The following ZFHX3 variants were observed in gnomAD, a reference collection of about 807,000 sequenced individuals.
ZFHX3 encodes zinc finger homeobox 3.
ZFHX3 carries 42 observed loss-of-function variants against 279.1 expected under a neutral mutation model. That is an observed-to-expected ratio of 0.15 (90% CI 0.12 to 0.19). The LOEUF (loss-of-function observed/expected upper bound fraction) is 0.19, where lower values mean the gene tolerates loss of function less well. Among genes scored for constraint, ZFHX3 ranks in the 10% least tolerant of loss-of-function variants. ZFHX3 has a pLI of 1.00. For synonymous variants in ZFHX3, 2,293 were observed against 1,957.8 expected (o/e 1.17, Z -4.52); for missense variants, 4,981 against 4,754.0 (o/e 1.05, Z -1.40).
At chr16:72,857,241 T>C (rs142119589) in intron 4 of ZFHX3, among the ~76,000 whole-genome samples, 8 of 152,322 alleles carry the variant, frequency 5.3e-5, no homozygotes, top group African/African-American at 1.4e-4. Context: ...ACAGAGCTAA[T>C]TGGTTGGCAA....
intron 5 of ZFHX3, among the ~76,000 whole-genome samples, chr16:72,816,772 C>A (rs181680138): frequency 6.6e-6 from 1 of 152,318 alleles, no homozygotes; most frequent in East Asian, 1.9e-4. Flanking sequence ...ATTTTATCCT[C>A]TTAGGCTCCT....
intron 2 of ZFHX3, among the ~76,000 whole-genome samples, chr16:73,491,387 A>G (rs931545323): frequency 5.3e-5 from 8 of 152,248 alleles, no homozygotes; most frequent in African/African-American, 1.9e-4. Flanking sequence ...TGCTGCAGAA[A>G]TATCACAGAG....
intron 1 of ZFHX3, among the ~76,000 whole-genome samples, chr16:73,001,583 TGAGAG>T (rs1258837556): frequency 2.6e-5 from 4 of 151,934 alleles, no homozygotes; most frequent in African/African-American, 4.8e-5. Context: ...GAGGCTGAAG[TGAGAG>T]GATCACTTCA....
At chr16:73,092,847 CGGAGTTTAATAG>C (rs760747877) in intron 8 of ZFHX3, 2 of 496,290 alleles carry the variant, frequency 4.0e-6, no homozygotes, top group Admixed American at 4.2e-5. Context: ...CATGCAGACC[CGGAGTTTAATAG>C]GGACAACAGT....
intron 2 of ZFHX3, among the ~76,000 whole-genome samples, chr16:73,668,007 G>A (rs1165070944): frequency 6.6e-6 from 1 of 152,150 alleles, no homozygotes; most frequent in Admixed American, 6.5e-5. Context: ...CATATGCAAT[G>A]GCTTGTGTTC....
At chr16:73,040,952 G>A (rs1965088951) in intron 1 of ZFHX3, among the ~76,000 whole-genome samples, 1 of 152,212 alleles carries the variant, frequency 6.6e-6, no homozygotes, top group Admixed American at 6.5e-5. Context: ...CCTCACCAGA[G>A]GGTGTAACAC....
chr16:73,413,148 G>T (rs1008266268), intron 3 of ZFHX3, among the ~76,000 whole-genome samples: 6 of 152,202 alleles, frequency 3.9e-5, no homozygotes, highest in African/African-American at 1.4e-4. Flanking sequence ...AAAATAGCAG[G>T]ACTAGAGACA....
chr16:73,793,255 A>G (rs1959888127), intron 1 of ZFHX3, among the ~76,000 whole-genome samples: 1 of 152,230 alleles, frequency 6.6e-6, no homozygotes, highest in African/African-American at 2.4e-5. Flanking sequence ...GCTTTCAACC[A>G]AGCTGAATTT....
At chr16:73,373,597 A>T (rs949881898) in intron 3 of ZFHX3, among the ~76,000 whole-genome samples, 7 of 152,236 alleles carry the variant, frequency 4.6e-5, no homozygotes, top group African/African-American at 1.7e-4. Flanking sequence ...TGCCAAAGAA[A>T]AATGAAAGCA....
intron 4 of ZFHX3, among the ~76,000 whole-genome samples, chr16:73,291,353 T>TG (rs2014764943): frequency 6.6e-6 from 1 of 152,092 alleles, no homozygotes; most frequent in Non-Finnish European, 1.5e-5. Context: ...GAGCTGCCAG[T>TG]GAAAAAAAGC....
intron 5 of ZFHX3, among the ~76,000 whole-genome samples, chr16:73,196,448 T>C (rs1039664272): frequency 7.2e-5 from 11 of 152,236 alleles, no homozygotes; most frequent in African/African-American, 2.2e-4. Flanking sequence ...TTGTAGATCA[T>C]AGACAACTGC....
In ZFHX3 at chr16:73,242,426, T is replaced by A. The variant is rs530320148; in HGVS notation, c.-1104+14621A>T. Among the ~76,000 whole-genome samples the A allele has an allele frequency of 2.0e-4, 30 of 152,330 alleles. 1 individual carries two copies. Among genetic ancestry groups the A allele is most frequent in the Admixed American group, 5.2e-4 (8 of 15,306 alleles). ...TGTCTTCTTTGGCAGAAAGACTTGG[T>A]GCTACATCAGCCAAGTTAGAATTTT... On this transcript the variant is annotated intron_variant, in intron 5 of 17. Transcript: ENST00000641206.
At chr16:73,077,147 T>G (rs1372609149) in intron 8 of ZFHX3, among the ~76,000 whole-genome samples, 1 of 152,168 alleles carries the variant, frequency 6.6e-6, no homozygotes, top group African/African-American at 2.4e-5. Flanking sequence ...CCCCAAATTT[T>G]CTGAATTTAT....
Position 73,737,023 on chromosome 16 carries a change from G to T in ZFHX3, c.-1607-56783C>A, listed in dbSNP as rs575638934. 6.8e-4 allele frequency among the ~76,000 whole-genome samples: 103 copies of T among 152,152 alleles called. 1 individual carries two copies. The highest frequency in any genetic ancestry group is 1.3e-3 in the Non-Finnish European group (85 of 67,994). On this transcript the variant is annotated intron_variant, in intron 1 of 17. Transcript: ENST00000641206. The stretch of plus-strand genomic sequence containing the variant: ...CAGGTCTCTTTCTGTGGTTTTCTGT[G>T]ACTCCATTCTTTTTCTTTCTTTTTT...
At chr16:72,970,928 G>C (rs1962078474) in intron 1 of ZFHX3, among the ~76,000 whole-genome samples, 1 of 152,184 alleles carries the variant, frequency 6.6e-6, no homozygotes, top group Non-Finnish European at 1.5e-5. Context: ...AAAGTTGTGG[G>C]AGTTCATTAT....
intron 3 of ZFHX3, among the ~76,000 whole-genome samples, chr16:73,382,702 G>A (rs149262345): frequency 5.9e-5 from 9 of 152,270 alleles, no homozygotes; most frequent in African/African-American, 1.9e-4. Context: ...GCCATACCCC[G>A]CTATGGAATC....
rs117813157 is a variant in ZFHX3, at chr16:73,599,110, A to C, written c.-1547+81070T>G. On this transcript the variant is annotated intron_variant, in intron 2 of 17. Transcript: ENST00000641206. ...GTTTCTTCATACTATCATAGTTCTT[A>C]CAGAGGATGAGTTTGTTCTCTGTGA... is the stretch of plus-strand genomic sequence containing the variant. 3.0e-4 allele frequency among the ~76,000 whole-genome samples: 46 copies of C among 152,320 alleles called. No homozygotes were observed. In the East Asian group the frequency reaches 7.9e-3, roughly 26 times the overall value.
At chr16:73,681,833 A>T (rs1231812438) in intron 1 of ZFHX3, among the ~76,000 whole-genome samples, 1 of 152,350 alleles carries the variant, frequency 6.6e-6, no homozygotes, top group East Asian at 1.9e-4. Context: ...TCTTCCTAAG[A>T]TAAGCCCCTG....
At position 73,597,129 on chromosome 16, in the gene ZFHX3, C is replaced by A. The variant is rs374898217; in HGVS notation, c.-1547+83051G>T. On this transcript the variant is annotated intron_variant, in intron 2 of 17. Transcript: ENST00000641206. ...CACCACCGATTTGCACCTCCCTGCC[C>A]TGGCTCAGGTTCTTTTCCAAACTCT... Among the ~76,000 whole-genome samples, 19 of 152,292 alleles carry A rather than the reference C, an allele frequency of 1.2e-4. No homozygotes were observed. In the East Asian group the frequency reaches 3.5e-3, roughly 28 times the overall value.
Sources: allele counts gnomAD v4.1 joint callset (sites outside exome capture counted in the v4.1 genomes callset), GRCh38; gene constraint gnomAD v4.1.1; transcripts MANE v1.5; gene names NCBI Gene and HGNC (gene_info 2026-07-23, HGNC 2026-07-21).